The following B3GALT1 variants were observed in gnomAD, a reference collection of about 807,000 sequenced individuals.
B3GALT1 encodes the protein UDP-Gal:betaGlcNAc beta 1,3-galactosyltransferase, polypeptide 1.
A neutral mutation model predicts 23.2 loss-of-function variants in B3GALT1; 10 were observed. That is an observed-to-expected ratio of 0.43 (90% CI 0.27 to 0.73). The LOEUF (loss-of-function observed/expected upper bound fraction) is 0.73, where lower values mean the gene tolerates loss of function less well. B3GALT1 is among the 30% of genes least tolerant of loss of function. The pLI is 0.21. For missense variants in B3GALT1, 299 were observed against 405.4 expected (o/e 0.74, Z 2.25); for synonymous variants, 156 against 141.5 (o/e 1.10, Z -0.73).
At chr2:167,444,537 A>G (rs1189201583) in intron 1 of B3GALT1, among the ~76,000 whole-genome samples, 1 of 152,110 alleles carries the variant, frequency 6.6e-6, no homozygotes, top group African/African-American at 2.4e-5. Flanking sequence ...TATTGCCTCA[A>G]TTTCAGATCC....
chr2:167,299,892 A>G (rs1377528287), intron 1 of B3GALT1, among the ~76,000 whole-genome samples: 1 of 151,002 alleles, frequency 6.6e-6, no homozygotes, highest in East Asian at 1.9e-4. Flanking sequence ...TTAACTTTAT[A>G]TATTTTATTT....
intron 2 of B3GALT1, among the ~76,000 whole-genome samples, chr2:167,634,493 C>CA (rs1465948529): frequency 8.6e-5 from 13 of 151,898 alleles, no homozygotes; most frequent in African/African-American, 3.1e-4. Context: ...ATCAAATAGA[C>CA]ACAATAAAAA....
At chr2:167,723,056 C>A (rs778118005) in intron 3 of B3GALT1, among the ~76,000 whole-genome samples, 113 of 152,292 alleles carry the variant, frequency 7.4e-4, no homozygotes, top group Non-Finnish European at 1.1e-3. Context: ...CTGTAAAATA[C>A]CACTTAATAT....
intron 2 of B3GALT1, among the ~76,000 whole-genome samples, chr2:167,644,455 ATT>A (rs1685708305): frequency 1.3e-5 from 2 of 152,238 alleles, no homozygotes; most frequent in South Asian, 4.1e-4. Flanking sequence ...TAAAGGAAAC[ATT>A]TTTCAAGCTC....
Position 167,623,758 on chromosome 2 carries a change from C to A in B3GALT1, c.-409-23151C>A, listed in dbSNP as rs76032582. On this transcript the variant is annotated intron_variant, in intron 2 of 4. Coordinates refer to ENST00000392690, the MANE Select transcript of B3GALT1 (RefSeq NM_020981.4). ...CCAGAACTTAAAGTATAATAATTAA[C>A]AAAAAAGAAAACACATAGTCATTTC... is the stretch of plus-strand genomic sequence containing the variant. Among the ~76,000 whole-genome samples, 1,100 of 151,796 alleles carry A rather than the reference C, an allele frequency of 7.2e-3. 6 individuals are homozygous for A. The highest frequency in any genetic ancestry group is 0.012 in the Non-Finnish European group (800 of 67,888).
chr2:167,406,794 C>T (rs1698286044), intron 1 of B3GALT1, among the ~76,000 whole-genome samples: 1 of 152,164 alleles, frequency 6.6e-6, no homozygotes, highest in Non-Finnish European at 1.5e-5. Flanking sequence ...ATGGTACATT[C>T]CACAGATACA....
chr2:167,486,257 G>A (rs1056155262), intron 1 of B3GALT1, among the ~76,000 whole-genome samples: 1 of 150,688 alleles, frequency 6.6e-6, no homozygotes, highest in African/African-American at 2.4e-5. Context: ...TACTCAGGAG[G>A]CTGAGGCAGG....
Position 167,373,338 on chromosome 2 carries a change from T to C in B3GALT1, c.-511+80004T>C, listed in dbSNP as rs148268436. ...CAGGACACATATAACACAAACAATA[T>C]AAGAACATAATAAGTAAATTGTTTT... On this transcript the variant is annotated intron_variant, in intron 1 of 4. Coordinates refer to ENST00000392690, the MANE Select transcript of B3GALT1 (RefSeq NM_020981.4). Among the ~76,000 whole-genome samples, 30 of 152,082 alleles carry C rather than the reference T, an allele frequency of 2.0e-4. No individual in the cohort carries two copies. In the East Asian group the frequency reaches 5.8e-3, roughly 29 times the overall value.
chr2:167,319,401 A>G (rs1696770095), intron 1 of B3GALT1, among the ~76,000 whole-genome samples: 1 of 152,132 alleles, frequency 6.6e-6, no homozygotes, highest in Admixed American at 6.5e-5. Context: ...GTCTGAAGAT[A>G]ATAATCATGC....
chr2:167,821,431 C>CTTTTT (rs10573752), intron 4 of B3GALT1, among the ~76,000 whole-genome samples: 3 of 108,722 alleles, frequency 2.8e-5, no homozygotes, highest in African/African-American at 7.7e-5. Context: ...AAGGAAGGTA[C>CTTTTT]TTTTTTTTTT....
At chr2:167,852,763 G>A (rs1437995864) in intron 4 of B3GALT1, among the ~76,000 whole-genome samples, 1 of 152,010 alleles carries the variant, frequency 6.6e-6, no homozygotes, top group African/African-American at 2.4e-5. Flanking sequence ...CTAGAATATA[G>A]TCCACTTTTC....
intron 2 of B3GALT1, among the ~76,000 whole-genome samples, chr2:167,511,765 A>G (rs184765580): frequency 6.6e-6 from 1 of 152,300 alleles, no homozygotes; most frequent in East Asian, 1.9e-4. Flanking sequence ...TACATAAATT[A>G]TGTACTCAGA....
chr2:167,577,704 G>A (rs1186497937), intron 2 of B3GALT1, among the ~76,000 whole-genome samples: 1 of 151,786 alleles, frequency 6.6e-6, no homozygotes, highest in Admixed American at 6.6e-5. Context: ...TATTTTTGGT[G>A]TGGAAAATGG....
chr2:167,777,193 G>GT (rs766633347), intron 3 of B3GALT1, among the ~76,000 whole-genome samples: 9 of 152,034 alleles, frequency 5.9e-5, no homozygotes, highest in Non-Finnish European at 8.8e-5. Flanking sequence ...TTATAATAGA[G>GT]TTTTATAATA....
intron 2 of B3GALT1, among the ~76,000 whole-genome samples, chr2:167,529,142 T>G (rs2105366549): frequency 6.6e-6 from 1 of 152,270 alleles, no homozygotes; most frequent in East Asian, 1.9e-4. Context: ...CACTCCGTCC[T>G]TATTTAACAA....
chr2:167,834,322 A>G (rs1198619671), intron 4 of B3GALT1, among the ~76,000 whole-genome samples: 4 of 152,326 alleles, frequency 2.6e-5, no homozygotes, highest in African/African-American at 9.6e-5. Flanking sequence ...AATGGAGCCT[A>G]GGTTTTTCCT....
At chr2:167,514,503 C>T (rs1371727854) in intron 2 of B3GALT1, among the ~76,000 whole-genome samples, 8 of 152,156 alleles carry the variant, frequency 5.3e-5, no homozygotes, top group Admixed American at 1.3e-4. Context: ...TTGAAAGAAT[C>T]TCAATGGATG....
intron 2 of B3GALT1, among the ~76,000 whole-genome samples, chr2:167,637,736 C>T (rs1685583790): frequency 6.6e-6 from 1 of 151,908 alleles, no homozygotes; most frequent in South Asian, 2.1e-4. Context: ...CTTCCACATA[C>T]AAGTGAAAAC....
chr2:167,748,077 T>C (rs142744073), intron 3 of B3GALT1, among the ~76,000 whole-genome samples: 47 of 152,256 alleles, frequency 3.1e-4, no homozygotes, highest in African/African-American at 1.1e-3. Context: ...AAAAAGCTGT[T>C]TCCAAGTAGC....
Sources: gnomAD v4.1 joint callset for allele counts (sites outside exome capture counted in the v4.1 genomes callset) on GRCh38, gnomAD v4.1.1 for gene constraint, MANE v1.5 for transcripts, NCBI Gene and HGNC (gene_info 2026-07-23, HGNC 2026-07-21) for gene names.